Variants in PPP3CB observed in about 807,000 individuals in gnomAD.
PPP3CB encodes serine/threonine-protein phosphatase 2B catalytic subunit beta isoform.
Under a neutral mutation model 66.4 loss-of-function variants are expected in PPP3CB, and 8 were observed. The ratio of observed to expected loss-of-function variants is 0.12; its 90% confidence interval spans 0.07 to 0.22. The LOEUF is 0.22. Among genes scored for constraint, PPP3CB ranks in the 10% least tolerant of loss-of-function variants. The pLI is 1.00. For missense variants in PPP3CB, 319 were observed against 642.5 expected, an observed-to-expected ratio of 0.50 and a Z score of 5.44; for synonymous variants, 208 against 221.2, an observed-to-expected ratio of 0.94 and a Z score of 0.53.
chr10:73,475,785 T>C (rs530161546), intron 3 of PPP3CB, among the ~76,000 whole-genome samples: 1 of 152,348 alleles, frequency 6.6e-6, no homozygotes, highest in Admixed American at 6.5e-5. Context: ...ATTTTACTTA[T>C]TTGCTTAAAA....
intron 4 of PPP3CB, among the ~76,000 whole-genome samples, chr10:73,471,908 C>G (rs892313380): frequency 6.6e-6 from 1 of 152,106 alleles, no homozygotes; most frequent in Non-Finnish European, 1.5e-5. Context: ...CATGATAAAA[C>G]TTTTCTGTAT....
intron 1 of PPP3CB, among the ~76,000 whole-genome samples, chr10:73,481,663 TC>T (rs930800768): frequency 6.7e-6 from 1 of 148,290 alleles, no homozygotes; most frequent in African/African-American, 2.6e-5. Flanking sequence ...TAGATTCCTA[TC>T]AATTACCTAA....
At chr10:73,445,013 T>C (rs113006036) in intron 11 of PPP3CB, among the ~76,000 whole-genome samples, 191 bp from the exon 12 acceptor site, 3 of 152,352 alleles carry the variant, frequency 2.0e-5, no homozygotes, top group Non-Finnish European at 2.9e-5. Context: ...TGCCTTACCA[T>C]TGAGGCATAT....
chr10:73,476,240 A>G (rs72814303), intron 3 of PPP3CB, among the ~76,000 whole-genome samples: 4,128 of 152,324 alleles, frequency 0.027, 84 homozygotes, highest in Non-Finnish European at 0.044. Flanking sequence ...GGAAAAAAGT[A>G]ATAAAATCAG....
rs536450904 is a variant in PPP3CB, at chr10:73,439,597, T to C, written c.1396+275A>G. On this transcript the variant is annotated intron_variant, in intron 13 of 13. Coordinates refer to ENST00000360663, the MANE Select transcript of PPP3CB (RefSeq NM_021132.4). ...CTTTATAAAGCTATACTGTATAGCA[T>C]AACATGCTATACTCTAAAGAAATCA... 4.6e-5 allele frequency among the ~76,000 whole-genome samples: 7 copies of C among 152,298 alleles called. No individual in the cohort carries two copies. The East Asian group carries it at 9.6e-4, about 21-fold the overall frequency.
chr10:73,480,415 T>A (rs956484358), intron 1 of PPP3CB, among the ~76,000 whole-genome samples: 9 of 152,138 alleles, frequency 5.9e-5, no homozygotes, highest in Admixed American at 1.3e-4. Context: ...GTGTAAAATG[T>A]TACCACTGCA....
chr10:73,448,762 G>A (rs1010593628), intron 10 of PPP3CB: 1 of 532,294 alleles, frequency 1.9e-6, no homozygotes, highest in Non-Finnish European at 3.8e-6. Flanking sequence ...TAAAAAGATA[G>A]AGATTTAACT....
In PPP3CB at chr10:73,438,438, T is replaced by C; in HGVS notation, c.1397-18A>G. 1 of 1,576,280 alleles carries C rather than the reference T, an allele frequency of 6.3e-7. No individual in the cohort carries two copies. Among genetic ancestry groups the C allele is most frequent in the Non-Finnish European group, 8.7e-7 (1 of 1,151,392 alleles). ...TCGTATTGCTTAATAAAATGCAAAT[T>C]TGATAAGTCAGTAATTGAAAAACAT... On this transcript the variant is annotated intron_variant, in intron 13 of 13. Transcript: ENST00000360663.
At chr10:73,449,978 A>G (rs1383246170) in intron 10 of PPP3CB, among the ~76,000 whole-genome samples, 1 of 152,040 alleles carries the variant, frequency 6.6e-6, no homozygotes, top group Non-Finnish European at 1.5e-5. Flanking sequence ...GTGTTTTTTA[A>G]GTAAAGAGGG....
intron 1 of PPP3CB, among the ~76,000 whole-genome samples, chr10:73,495,045 T>A (rs1398029128): frequency 6.6e-6 from 1 of 152,214 alleles, no homozygotes; most frequent in African/African-American, 2.4e-5. Flanking sequence ...TGAGAAACAT[T>A]TAACTTTTTC....
chr10:73,466,909 T>C (rs2056625928), intron 9 of PPP3CB: 2 of 152,122 alleles, frequency 1.3e-5, no homozygotes, highest in Admixed American at 1.3e-4. Context: ...ACATGATAGG[T>C]AACAAAATCC....
chr10:73,493,942 A>G (rs2057120967), intron 1 of PPP3CB, among the ~76,000 whole-genome samples: 1 of 152,192 alleles, frequency 6.6e-6, no homozygotes, highest in Non-Finnish European at 1.5e-5. Context: ...ATTACCATAT[A>G]TATGACAAGG....
At chr10:73,438,515 T>C in intron 13 of PPP3CB, 95 bp from the exon 14 acceptor site, 1 of 1,033,744 alleles carries the variant, frequency 9.7e-7, no homozygotes, top group African/African-American at 1.6e-5. Flanking sequence ...AAGAAATTAG[T>C]AGCTGTAAGT....
At chr10:73,456,326 TA>T (rs2056427215) in intron 9 of PPP3CB, among the ~76,000 whole-genome samples, 1 of 152,182 alleles carries the variant, frequency 6.6e-6, no homozygotes, top group Non-Finnish European at 1.5e-5. Context: ...AAACATGCTG[TA>T]AGTGTTCAAA....
chr10:73,481,209 C>T (rs1479059713), intron 1 of PPP3CB, among the ~76,000 whole-genome samples: 4 of 147,198 alleles, frequency 2.7e-5, no homozygotes, highest in Non-Finnish European at 4.5e-5. Flanking sequence ...TGCAGTGACT[C>T]ACACCTGAAA....
intron 9 of PPP3CB, among the ~76,000 whole-genome samples, chr10:73,463,080 G>T (rs1435186343): frequency 6.6e-6 from 1 of 151,742 alleles, no homozygotes; most frequent in African/African-American, 2.4e-5. Context: ...TCTCATTGGA[G>T]TGTGTTAATG....
chr10:73,454,177 T>C (rs1366800048), intron 10 of PPP3CB, among the ~76,000 whole-genome samples: 1 of 152,204 alleles, frequency 6.6e-6, no homozygotes, highest in African/African-American at 2.4e-5. Context: ...ATCTTCTTTC[T>C]TCCAAATTTC....
intron 1 of PPP3CB, among the ~76,000 whole-genome samples, chr10:73,480,736 C>T (rs564687538): frequency 6.6e-6 from 1 of 152,318 alleles, no homozygotes; most frequent in Non-Finnish European, 1.5e-5. Flanking sequence ...TGAGCCACTG[C>T]ACCTGGCCTA....
intron 10 of PPP3CB, among the ~76,000 whole-genome samples, chr10:73,449,866 G>A (rs1399972624): frequency 6.6e-6 from 1 of 151,962 alleles, no homozygotes; most frequent in African/African-American, 2.4e-5. Context: ...GGTGATCTCG[G>A]CTCACTGCAA....
Sources: gnomAD v4.1 joint callset for allele counts (sites outside exome capture counted in the v4.1 genomes callset) on GRCh38, gnomAD v4.1.1 for gene constraint, MANE v1.5 for transcripts, NCBI Gene and HGNC (gene_info 2026-07-23, HGNC 2026-07-21) for gene names.